The following SLC38A1 variants were observed in gnomAD, a reference collection of about 807,000 sequenced individuals.
The protein encoded by SLC38A1 is solute carrier family 38 member 1.
SLC38A1 carries 18 observed loss-of-function variants against 60.3 expected under a neutral mutation model. The observed-to-expected ratio is 0.30, with a 90% CI of 0.21 to 0.44. The LOEUF (loss-of-function observed/expected upper bound fraction) is 0.44. Ranked by LOEUF, SLC38A1 falls within the 20% of genes least tolerant of loss-of-function variation. The probability of loss-of-function intolerance (pLI) is 1.00; values close to 1 mark genes in which losing one functional copy is unlikely to be tolerated. For synonymous variants in SLC38A1, 196 were observed against 212.1 expected, an observed-to-expected ratio of 0.92 and a Z score of 0.66; for missense variants, 448 against 587.2, an observed-to-expected ratio of 0.76 and a Z score of 2.45.
intron 5 of SLC38A1, among the ~76,000 whole-genome samples, chr12:46,218,482 T>C (rs1940512458): frequency 6.6e-6 from 1 of 152,134 alleles, no homozygotes; most frequent in African/African-American, 2.4e-5. Flanking sequence ...ACAAGACACA[T>C]TTAAGGAGAA....
At chr12:46,263,450 T>A (rs1410372958) in intron 1 of SLC38A1, among the ~76,000 whole-genome samples, 6 of 152,212 alleles carry the variant, frequency 3.9e-5, no homozygotes, top group Admixed American at 2.6e-4. Context: ...ATTTAAGAGT[T>A]GGCAACTAAT....
At chr12:46,233,136 A>G (rs1941138188) in intron 3 of SLC38A1, among the ~76,000 whole-genome samples, 1 of 152,094 alleles carries the variant, frequency 6.6e-6, no homozygotes. Context: ...CTCCTGCCTC[A>G]GCCTCCCAAG....
chr12:46,228,843 C>T (rs1940963571), intron 5 of SLC38A1, among the ~76,000 whole-genome samples: 1 of 152,114 alleles, frequency 6.6e-6, no homozygotes, highest in African/African-American at 2.4e-5. Flanking sequence ...AATATTTTAA[C>T]TGAGATTTAA....
intron 5 of SLC38A1, among the ~76,000 whole-genome samples, chr12:46,214,123 T>C (rs1349565721): frequency 6.6e-6 from 1 of 152,226 alleles, no homozygotes; most frequent in South Asian, 2.1e-4. Context: ...GTTTAATAAT[T>C]TTCTCTACAC....
chr12:46,229,606 A>T lies in SLC38A1; in HGVS notation c.156T>A (p.Ser52Arg). Reference sequence around the variant, plus strand: ...TTTTTTCCAAATGGCTGTTTGTGAGACTTCTTCTACTTTCACGATCAGAAA... The same window carrying T: ...TTTTTTCCAAATGGCTGTTTGTGAGTCTTCTTCTACTTTCACGATCAGAAA... ...KFISDRESRR[S>R]LTNSHLEKKK... The change falls in exon 4 of 17, where the codon AGT becomes AGA. Residue 52 changes from serine (S) to arginine (R), a missense_variant. Ser to Arg is a moderately radical substitution (Grantham distance 110). Coordinates refer to ENST00000398637, the MANE Select transcript of SLC38A1 (RefSeq NM_030674.4). The T allele has an allele frequency of 6.2e-7, 1 of 1,613,664 alleles. No homozygotes were observed.
intron 6 of SLC38A1, 122 bp from the exon 7 acceptor site, chr12:46,207,743 CAAAT>C: frequency 1.1e-6 from 1 of 919,406 alleles, no homozygotes; most frequent in Non-Finnish European, 1.7e-6. Context: ...CAAACTCACA[CAAAT>C]AGTCATTTTG....
intron 11 of SLC38A1, 119 bp from the exon 12 acceptor site, chr12:46,203,208 G>A (rs371731715): frequency 9.4e-5 from 76 of 812,608 alleles, no homozygotes; most frequent in Middle Eastern, 7.3e-4. Context: ...TGGATTATTC[G>A]GTTATTAGGG....
rs1941385493 is a variant in SLC38A1 at position 46,239,804 on chromosome 12, T to C, written c.-4A>G. 6.2e-7 allele frequency: 1 copy of C among 1,612,462 alleles called. No homozygotes were observed. On this transcript the variant is annotated 5_prime_UTR_variant, in exon 3 of 17. Coordinates refer to ENST00000398637, the MANE Select transcript of SLC38A1 (RefSeq NM_030674.4). ...GTCCACTTTTGAAATGCATCATGAT[T>C]AGAAAGTGTCTGTAGTTTGAAAATT...
Position 46,229,632 on chromosome 12 carries a change from T to C in SLC38A1, c.130A>G (p.Ile44Val). 1.2e-6 allele frequency: 2 copies of C among 1,613,414 alleles called. No homozygotes were observed. The highest frequency in any genetic ancestry group is 1.7e-6 in the Non-Finnish European group (2 of 1,179,650). ...VENGQINSKFISDRESRRSLT... is the reference protein window; with the variant it reads ...VENGQINSKFVSDRESRRSLT... ...CTTCTTCTACTTTCACGATCAGAAA[T>C]AAACTTGCTGTAAAGACATGCGTAA... Residue 44 changes from isoleucine (I) to valine (V), a missense_variant, in exon 4 of 17, where the codon ATT becomes GTT. By Grantham distance (29) the Ile-to-Val change is conservative. Transcript: ENST00000398637.
At position 46,188,114 on chromosome 12, in the gene SLC38A1, G is replaced by C. The variant is rs980812585; in HGVS notation, c.*856C>G. ...AATGCATCAGAGGAGTATTTTCTTA[G>C]GCATTTTGGACAATCTTTTTGCAGT... On this transcript the variant is annotated 3_prime_UTR_variant, in exon 17 of 17. Transcript: ENST00000398637. The C allele has an allele frequency of 2.0e-5, 3 of 152,098 alleles. No individual in the cohort carries two copies. The highest frequency in any genetic ancestry group is 4.4e-5 in the Non-Finnish European group (3 of 68,002). The allele number at this position is 152,098 out of a possible 1,614,324, so 9.4% of individuals were successfully genotyped here. A position where few individuals can be genotyped will look rare whatever the true frequency, so the allele number is the denominator to read the frequency against.
At chr12:46,266,312 G>A (rs769424825) in intron 1 of SLC38A1, among the ~76,000 whole-genome samples, 3 of 152,044 alleles carry the variant, frequency 2.0e-5, no homozygotes, top group East Asian at 1.9e-4. Context: ...TCATTAAATG[G>A]CCTTAATTCA....
chr12:46,243,290 C>T lies in SLC38A1; in HGVS notation c.-184G>A, dbSNP rs930145127. ...CTATGCACATAGATATAGTGCCTGG[C>T]ACACAGTAGACACTCAATAAATATC... On this transcript the variant is annotated 5_prime_UTR_variant, in exon 2 of 17. Transcript: ENST00000398637. 6.6e-6 allele frequency: 1 copy of T among 152,014 alleles called. No homozygotes were observed. Among genetic ancestry groups the T allele is most frequent in the African/African-American group, 2.4e-5 (1 of 41,380 alleles). 9.4% of individuals were successfully genotyped at this position (152,014 alleles called of 1,614,324 possible). A position where few individuals can be genotyped will look rare whatever the true frequency, so the allele number is the denominator to read the frequency against.
At position 46,229,288 on chromosome 12, in the gene SLC38A1, T is replaced by A; in HGVS notation, c.199-20A>T. On this transcript the variant is annotated intron_variant, in intron 4 of 16. Coordinates refer to ENST00000398637, the MANE Select transcript of SLC38A1 (RefSeq NM_030674.4). ...TGGAATCTGAACAAAGAAACAAACA[T>A]TGACACTAAGCAAAATAATCCCCAA... 1 of 1,517,404 alleles carries A rather than the reference T, an allele frequency of 6.6e-7. No individual in the cohort carries two copies. Among genetic ancestry groups the A allele is most frequent in the South Asian group, 1.1e-5 (1 of 88,058 alleles). The allele number at this position is 1,517,404 out of a possible 1,614,324, so 94.0% of individuals were successfully genotyped here.
intron 5 of SLC38A1, among the ~76,000 whole-genome samples, chr12:46,209,626 T>A (rs1368576562): frequency 6.6e-6 from 1 of 152,238 alleles, no homozygotes; most frequent in East Asian, 1.9e-4. Flanking sequence ...GTTCTTTTCA[T>A]CTATTACTTC....
At chr12:46,191,977 G>C (rs569877057) in intron 16 of SLC38A1, among the ~76,000 whole-genome samples, 3 of 152,282 alleles carry the variant, frequency 2.0e-5, no homozygotes, top group Admixed American at 6.5e-5. Context: ...TGTTGAATAG[G>C]AGTGGTGAAA....
rs767188106 is a variant in SLC38A1 at position 46,197,951 on chromosome 12, A to G, written c.1232T>C (p.Ile411Thr). 4 of 1,614,120 alleles carry G rather than the reference A, an allele frequency of 2.5e-6. No homozygotes were observed. The highest frequency in any genetic ancestry group is 8.5e-7 in the Non-Finnish European group (1 of 1,179,976). ...LVVINLLVIF[I>T]PSMKDIFGVV... ...TCCAAAAATATCCTTCATGGAGGGT[A>G]TGAAGATCACCAACAAGTTGATAAC... Residue 411 changes from isoleucine to threonine, a missense_variant, in exon 15 of 17, where the codon ATA (isoleucine) becomes ACA (threonine). By Grantham distance (89) the Ile-to-Thr change is moderately conservative. Transcript: ENST00000398637.
At chr12:46,261,959 C>G (rs1379841388) in intron 1 of SLC38A1, among the ~76,000 whole-genome samples, 1 of 152,158 alleles carries the variant, frequency 6.6e-6, no homozygotes, top group Non-Finnish European at 1.5e-5. Flanking sequence ...TGGTAAACAT[C>G]ATACAATGCA....
intron 3 of SLC38A1, among the ~76,000 whole-genome samples, chr12:46,229,850 A>G (rs1941004642): frequency 6.6e-6 from 1 of 152,220 alleles, no homozygotes; most frequent in Non-Finnish European, 1.5e-5. Context: ...CAAATAAACT[A>G]TAAGTGCCCC....
intron 13 of SLC38A1, among the ~76,000 whole-genome samples, chr12:46,200,404 C>CAT (rs944843718): frequency 6.6e-6 from 1 of 151,270 alleles, no homozygotes; most frequent in Non-Finnish European, 1.5e-5. Flanking sequence ...TATATATACA[C>CAT]ATATATATAG....
Sources: allele counts gnomAD v4.1 joint callset (sites outside exome capture counted in the v4.1 genomes callset), GRCh38; gene constraint gnomAD v4.1.1; transcripts MANE v1.5; gene names NCBI Gene and HGNC (gene_info 2026-07-23, HGNC 2026-07-21).